ILDR2: variants seen among roughly 807,000 people sequenced by gnomAD.
The protein encoded by ILDR2 is immunoglobulin-like domain-containing receptor 2.
Under a neutral mutation model 66.8 loss-of-function variants are expected in ILDR2, and 25 were observed. The ratio of observed to expected loss-of-function variants is 0.37; its 90% CI spans 0.27 to 0.52. ILDR2 has a LOEUF of 0.52. Among genes scored for constraint, ILDR2 ranks in the 20% least tolerant of loss-of-function variants. ILDR2 has a pLI of 0.88. For synonymous variants in ILDR2, 367 were observed against 357.2 expected, an observed-to-expected ratio of 1.03 and a Z score of -0.31; for missense variants, 827 against 876.8, an observed-to-expected ratio of 0.94 and a Z score of 0.72.
intron 4 of ILDR2, among the ~76,000 whole-genome samples, chr1:166,937,744 T>C (rs1182274097): frequency 6.6e-6 from 1 of 152,224 alleles, no homozygotes; most frequent in Non-Finnish European, 1.5e-5. Flanking sequence ...CCTGGAGGCC[T>C]GGACAGACTG....
intron 3 of ILDR2, among the ~76,000 whole-genome samples, chr1:166,944,927 C>G (rs1399383135): frequency 1.3e-5 from 2 of 152,130 alleles, no homozygotes; most frequent in Admixed American, 1.3e-4. Context: ...GGACTATGCT[C>G]TACGCTTGGC....
At chr1:166,958,130 A>G in intron 1 of ILDR2, 29 bp from the exon 2 acceptor site, 1 of 1,570,862 alleles carries the variant, frequency 6.4e-7, no homozygotes, top group South Asian at 1.2e-5. Flanking sequence ...ATGTCCGAAC[A>G]GTGTCCATAT....
Position 166,918,195 on chromosome 1 carries a change from A to T in ILDR2, c.*1160T>A, listed in dbSNP as rs1659714366. The T allele has an allele frequency of 2.0e-5, 3 of 152,226 alleles. No homozygotes were observed. The highest frequency in any genetic ancestry group is 4.4e-5 in the Non-Finnish European group (3 of 68,040). The allele number at this position is 152,226 out of a possible 1,614,324, so 9.4% of individuals were successfully genotyped here. A position where few individuals can be genotyped will look rare whatever the true frequency, so the allele number is the denominator to read the frequency against. Reference sequence around the variant, plus strand: ...AGGAAGTACTCCTTCCTGAGAAAGCAGTATCTCTAATCTCTTGAAAGCAGC... The same window carrying T: ...AGGAAGTACTCCTTCCTGAGAAAGCTGTATCTCTAATCTCTTGAAAGCAGC... On this transcript the variant is annotated 3_prime_UTR_variant, in exon 10 of 10. Coordinates refer to ENST00000271417, the MANE Select transcript of ILDR2 (RefSeq NM_199351.3).
chr1:166,909,740 T>C lies in ILDR2; in HGVS notation c.*9615A>G, dbSNP rs1237259957. On this transcript the variant is annotated 3_prime_UTR_variant, in exon 10 of 10. Coordinates refer to ENST00000271417, the MANE Select transcript of ILDR2 (RefSeq NM_199351.3). The stretch of plus-strand genomic sequence containing the variant: ...ATATGTGTGTGTGTATACATACATA[T>C]ATATATATATATATATATAAATATA... The C allele has an allele frequency of 1.8e-3, 179 of 101,800 alleles. No homozygotes were observed. Among genetic ancestry groups the C allele is most frequent in the Non-Finnish European group, 2.5e-3 (144 of 57,274 alleles). 6.3% of individuals were successfully genotyped at this position (101,800 alleles called of 1,614,324 possible).
chr1:166,967,326 T>C (rs2102019415), intron 1 of ILDR2, among the ~76,000 whole-genome samples: 1 of 152,362 alleles, frequency 6.6e-6, no homozygotes, highest in African/African-American at 2.4e-5. Context: ...AAATACACTC[T>C]TTTGTGTGGG....
At chr1:166,974,419 G>C (rs2102047308) in intron 1 of ILDR2, among the ~76,000 whole-genome samples, 1 of 152,320 alleles carries the variant, frequency 6.6e-6, no homozygotes, top group South Asian at 2.1e-4. Context: ...AGCATCTACT[G>C]ACCCCAGCAG....
At chr1:166,945,292 C>A (rs902291298) in intron 3 of ILDR2, among the ~76,000 whole-genome samples, 1 of 152,072 alleles carries the variant, frequency 6.6e-6, no homozygotes, top group Non-Finnish European at 1.5e-5. Context: ...TTGAATAGAC[C>A]AAACGAATCA....
At chr1:166,946,849 G>T (rs1472340007) in intron 3 of ILDR2, among the ~76,000 whole-genome samples, 1 of 152,124 alleles carries the variant, frequency 6.6e-6, no homozygotes, top group African/African-American at 2.4e-5. Context: ...TCATGTTTTT[G>T]GCACTACTGC....
At chr1:166,948,312 A>G (rs1661761864) in intron 3 of ILDR2, among the ~76,000 whole-genome samples, 1 of 152,124 alleles carries the variant, frequency 6.6e-6, no homozygotes, top group South Asian at 2.1e-4. Flanking sequence ...TCTTGCCAGA[A>G]ATTATTAAAA....
rs1481042112 is a variant in ILDR2 at position 166,917,376 on chromosome 1, G to C, written c.*1979C>G. ...TTGGAAATGTCATGAAGTACAAATG[G>C]ATACTAGAGGAATGGTACTTTGAGA... is the stretch of plus-strand genomic sequence containing the variant. On this transcript the variant is annotated 3_prime_UTR_variant, in exon 10 of 10. Coordinates refer to ENST00000271417, the MANE Select transcript of ILDR2 (RefSeq NM_199351.3). The C allele has an allele frequency of 1.3e-5, 2 of 152,168 alleles. No homozygotes were observed. Among genetic ancestry groups the C allele is most frequent in the African/African-American group, 2.4e-5 (1 of 41,438 alleles). 9.4% of individuals were successfully genotyped at this position (152,168 alleles called of 1,614,324 possible). A position where few individuals can be genotyped will look rare whatever the true frequency, so the allele number is the denominator to read the frequency against.
chr1:166,961,875 G>C (rs1037592191), intron 1 of ILDR2, among the ~76,000 whole-genome samples: 1 of 152,058 alleles, frequency 6.6e-6, no homozygotes, highest in African/African-American at 2.4e-5. Flanking sequence ...ACAGTGCCTG[G>C]GTATGCTCCT....
At chr1:166,926,948 AC>A in intron 7 of ILDR2, 118 bp downstream of exon 7, 1 of 603,388 alleles carries the variant, frequency 1.7e-6, no homozygotes, top group Non-Finnish European at 2.9e-6. Flanking sequence ...TGTCACCAGC[AC>A]CCCTGCTAAT....
Position 166,936,783 on chromosome 1 carries a change from C to A in ILDR2, c.557-46G>T. ...ATCCACACTCGAGGCAGCCCACCTC[C>A]AGGGCAGGGTGCACTTTGATTGGCA... On this transcript the variant is annotated intron_variant, in intron 4 of 9. Transcript: ENST00000271417. The surrounding 1 kb of genome is among the most constrained non-coding windows in gnomAD (Gnocchi z 5.0). 3 of 1,599,710 alleles carry A rather than the reference C, an allele frequency of 1.9e-6. No homozygotes were observed. Among genetic ancestry groups the A allele is most frequent in the Non-Finnish European group, 1.7e-6 (2 of 1,169,022 alleles).
chr1:166,922,280 T>C (rs2101857614), intron 8 of ILDR2, among the ~76,000 whole-genome samples: 2 of 151,838 alleles, frequency 1.3e-5, no homozygotes, highest in South Asian at 4.2e-4. Context: ...AAGATGGAGA[T>C]GATGGGTGGG....
At position 166,943,604 on chromosome 1, in the gene ILDR2, A is replaced by G. The variant is rs188776355; in HGVS notation, c.500-4034T>C. Among the ~76,000 whole-genome samples the G allele has an allele frequency of 3.0e-3, 464 of 152,166 alleles. 2 individuals are homozygous for G. The highest frequency in any genetic ancestry group is 4.2e-3 in the Non-Finnish European group (283 of 68,008). On this transcript the variant is annotated intron_variant, in intron 3 of 9. Coordinates refer to ENST00000271417, the MANE Select transcript of ILDR2 (RefSeq NM_199351.3). ...GATTTATGCTGAATATTTATGCTGA[A>G]TATTTCTGAAAATATTCCACTTCCA... is the stretch of plus-strand genomic sequence containing the variant.
intron 3 of ILDR2, among the ~76,000 whole-genome samples, chr1:166,942,071 T>C (rs1188784974): frequency 6.6e-6 from 1 of 152,232 alleles, no homozygotes; most frequent in Non-Finnish European, 1.5e-5. Flanking sequence ...TCTCAGTTTT[T>C]TCATTAGTAA....
At chr1:166,905,249 C>T (rs192242981), downstream of ILDR2, among the ~76,000 whole-genome samples, 2 of 152,202 alleles carry the variant, frequency 1.3e-5, no homozygotes, top group African/African-American at 2.4e-5. Context: ...TTCTCTCCCA[C>T]GGTCAGCTGG....
At chr1:166,960,851 A>G (rs542168574) in intron 1 of ILDR2, among the ~76,000 whole-genome samples, 26 of 152,350 alleles carry the variant, frequency 1.7e-4, no homozygotes, top group African/African-American at 6.3e-4. Flanking sequence ...ATTTCTTTAT[A>G]GTTTCTCCTT....
In ILDR2 at chr1:166,935,353, C is replaced by T. The variant is rs758051701; in HGVS notation, c.828G>A (p.Lys276=). The T allele has an allele frequency of 6.2e-7, 1 of 1,614,076 alleles. No homozygotes were observed. The highest frequency in any genetic ancestry group is 1.7e-5 in the Admixed American group (1 of 60,018). ...GAPSSGMLMD[K]PHPPPLAPSD... ...TTGGTGCCAAGGGAGGTGGATGCGG[C>T]TTGTCCATCAGCATGCCAGATGAGG... is the stretch of plus-strand genomic sequence containing the variant. The change falls in exon 6 of 10, where the codon AAG becomes AAA. Residue 276 remains lysine, a synonymous_variant. Coordinates refer to ENST00000271417, the MANE Select transcript of ILDR2 (RefSeq NM_199351.3).
Sources: allele counts gnomAD v4.1 joint callset (sites outside exome capture counted in the v4.1 genomes callset), GRCh38; gene constraint gnomAD v4.1.1; non-coding constraint Gnocchi (gnomAD v3.1); transcripts MANE v1.5; gene names NCBI Gene and HGNC (gene_info 2026-07-23, HGNC 2026-07-21).